TENM3: variants seen among roughly 807,000 people sequenced by gnomAD.
TENM3 encodes the protein teneurin transmembrane protein 3.
A neutral mutation model predicts 255.1 loss-of-function variants in TENM3; 63 were observed. The ratio of observed to expected loss-of-function variants is 0.25; its 90% CI spans 0.20 to 0.30. The LOEUF (loss-of-function observed/expected upper bound fraction) is 0.30. Among genes scored for constraint, TENM3 ranks in the 10% least tolerant of loss-of-function variants. The pLI, the probability that TENM3 is intolerant of heterozygous loss-of-function variation, is 1.00. For synonymous variants in TENM3, 1,306 were observed against 1,322.3 expected (o/e 0.99, Z 0.27); for missense variants, 2,929 against 3,461.1 (o/e 0.85, Z 3.86).
At chr4:182,044,086 G>T in the TENM3 span, among the ~76,000 whole-genome samples, 1 of 152,150 alleles carries the variant, frequency 6.6e-6, no homozygotes. Flanking sequence ...CTATGTGATG[G>T]TTGCAGCTAT....
chr4:181,978,874 A>G, the TENM3 span, among the ~76,000 whole-genome samples: 11 of 150,874 alleles, frequency 7.3e-5, no homozygotes, highest in African/African-American at 2.2e-4. Flanking sequence ...GTTCTGCTTA[A>G]AAGAATATAA....
the TENM3 span, among the ~76,000 whole-genome samples, chr4:181,935,607 A>C: frequency 6.6e-6 from 1 of 152,170 alleles, no homozygotes; most frequent in Non-Finnish European, 1.5e-5. Context: ...CAAAGCTGCC[A>C]AGAGGTGACC....
the TENM3 span, chr4:182,084,835 G>T: frequency 2.0e-5 from 3 of 152,054 alleles, no homozygotes; most frequent in African/African-American, 7.2e-5. Context: ...AAATCACAAG[G>T]CATTTATATC....
At chr4:181,841,988 A>G in the TENM3 span, among the ~76,000 whole-genome samples, 1 of 152,170 alleles carries the variant, frequency 6.6e-6, no homozygotes, top group East Asian at 1.9e-4. Flanking sequence ...CCATATCTAT[A>G]TATGTGGATT....
rs763128983 is a variant in TENM3 at position 182,551,877 on chromosome 4, C to T, written c.512-49047C>T. Among the ~76,000 whole-genome samples, 5 of 151,846 alleles carry T rather than the reference C, an allele frequency of 3.3e-5. No individual in the cohort carries two copies. The East Asian group carries it at 5.8e-4, about 18-fold the overall frequency. The stretch of plus-strand genomic sequence containing the variant: ...TCCCTACAAAAAATAACTAGCCAGG[C>T]GTGGTAGTGCATGCCTGTAAGTCCT... On this transcript the variant is annotated intron_variant, in intron 3 of 27. Coordinates refer to ENST00000511685, the MANE Select transcript of TENM3 (RefSeq NM_001080477.4).
the TENM3 span, among the ~76,000 whole-genome samples, chr4:181,707,387 CAGA>C: frequency 6.6e-6 from 1 of 152,154 alleles, no homozygotes; most frequent in Non-Finnish European, 1.5e-5. Flanking sequence ...GCTAATATGG[CAGA>C]AGAACACCAT....
At chr4:181,813,633 G>C in the TENM3 span, among the ~76,000 whole-genome samples, 1,775 of 152,282 alleles carry the variant, frequency 0.012, 43 homozygotes, top group African/African-American at 0.04. Flanking sequence ...GTCCAGAAAT[G>C]AGATGGATTT....
chr4:182,010,017 C>T, the TENM3 span, among the ~76,000 whole-genome samples: 1 of 152,164 alleles, frequency 6.6e-6, no homozygotes, highest in African/African-American at 2.4e-5. Context: ...TCCGTGGGTC[C>T]CGCCAGCTTT....
At chr4:182,700,156 T>C (rs557981542) in intron 12 of TENM3, among the ~76,000 whole-genome samples, 3 of 152,070 alleles carry the variant, frequency 2.0e-5, no homozygotes, top group Non-Finnish European at 4.4e-5. Flanking sequence ...GCTAGTGAGG[T>C]GTTTATGAGG....
chr4:182,717,436 A>G (rs937159951), intron 13 of TENM3, among the ~76,000 whole-genome samples: 6 of 152,170 alleles, frequency 3.9e-5, no homozygotes, highest in Non-Finnish European at 5.9e-5. Flanking sequence ...GGGTAACTGT[A>G]GCTTTTCAGA....
the TENM3 span, among the ~76,000 whole-genome samples, chr4:181,495,265 A>G: frequency 6.6e-6 from 1 of 152,176 alleles, no homozygotes; most frequent in African/African-American, 2.4e-5. Flanking sequence ...TACAAACTAA[A>G]GGAGTCATAG....
At chr4:182,586,611 A>G (rs115664393) in intron 3 of TENM3, among the ~76,000 whole-genome samples, 221 of 152,350 alleles carry the variant, frequency 1.5e-3, no homozygotes, top group African/African-American at 5.1e-3. Flanking sequence ...AATGATCATT[A>G]CATGGTTTCC....
chr4:182,031,935 G>A, the TENM3 span, among the ~76,000 whole-genome samples: 1 of 152,166 alleles, frequency 6.6e-6, no homozygotes, highest in Non-Finnish European at 1.5e-5. Flanking sequence ...TTGCTTATTA[G>A]CTTAAGAAGC....
At chr4:182,162,399 G>C (rs1023021190) in intron 1 of TENM3, among the ~76,000 whole-genome samples, 1 of 152,090 alleles carries the variant, frequency 6.6e-6, no homozygotes, top group African/African-American at 2.4e-5. Context: ...AAAGAAATGT[G>C]TAATAATTAG....
intron 1 of TENM3, among the ~76,000 whole-genome samples, chr4:182,315,673 A>T (rs1466179937): frequency 2.0e-5 from 3 of 151,690 alleles, no homozygotes; most frequent in African/African-American, 7.3e-5. Flanking sequence ...ATTTCTTCAC[A>T]TTTTTTTCTG....
chr4:181,883,145 T>TTTTTTTTTTTTTTTTTATA, the TENM3 span, among the ~76,000 whole-genome samples: 2 of 150,810 alleles, frequency 1.3e-5, no homozygotes, highest in Admixed American at 6.6e-5. Flanking sequence ...TTTTGCTTCT[T>TTTTTTTTTTTTTTTTTATA]AATAACTGGT....
At chr4:181,499,407 G>C in the TENM3 span, among the ~76,000 whole-genome samples, 1 of 152,308 alleles carries the variant, frequency 6.6e-6, no homozygotes, top group Admixed American at 6.5e-5. Flanking sequence ...AGCATCTAAA[G>C]GGAAGGGTTA....
At chr4:181,714,955 A>G in the TENM3 span, among the ~76,000 whole-genome samples, 1 of 152,228 alleles carries the variant, frequency 6.6e-6, no homozygotes, top group Admixed American at 6.5e-5. Flanking sequence ...TGAACTCAAG[A>G]TTAATACCAA....
At chr4:181,920,708 C>A in the TENM3 span, among the ~76,000 whole-genome samples, 1 of 151,432 alleles carries the variant, frequency 6.6e-6, no homozygotes, top group Non-Finnish European at 1.5e-5. Flanking sequence ...ATGGTAGTTT[C>A]TTTTGCTGTG....
Sources: allele counts gnomAD v4.1 joint callset (sites outside exome capture counted in the v4.1 genomes callset), GRCh38; gene constraint gnomAD v4.1.1; transcripts MANE v1.5; gene names NCBI Gene and HGNC (gene_info 2026-07-23, HGNC 2026-07-21).